FRMD3: variants seen among roughly 807,000 people sequenced by gnomAD.
FRMD3 encodes the protein FERM domain-containing protein 3.
FRMD3 carries 33 observed loss-of-function variants against 70.2 expected under a neutral mutation model. The ratio of observed to expected loss-of-function variants is 0.47; its 90% CI spans 0.36 to 0.63. FRMD3 has a LOEUF of 0.63. FRMD3 is among the 20% of genes least tolerant of loss of function. The pLI, the probability that FRMD3 is intolerant of heterozygous loss-of-function variation, is 0.00. For synonymous variants in FRMD3, 279 were observed against 255.9 expected (o/e 1.09, Z -0.86); for missense variants, 632 against 711.4 (o/e 0.89, Z 1.27).
At chr9:83,343,060 G>T (rs536497024) in intron 5 of FRMD3, 130 bp downstream of exon 5, 2 of 703,176 alleles carry the variant, frequency 2.8e-6, no homozygotes, top group Non-Finnish European at 5.2e-6. Flanking sequence ...CTGTTGCTAC[G>T]TACCCAGCCC....
chr9:83,306,880 A>G (rs1216861075), intron 10 of FRMD3, among the ~76,000 whole-genome samples: 1 of 152,200 alleles, frequency 6.6e-6, no homozygotes, highest in African/African-American at 2.4e-5. Context: ...ATTGATGAAA[A>G]TGTTTGGAAA....
At chr9:83,477,199 A>G (rs754013173) in intron 1 of FRMD3, among the ~76,000 whole-genome samples, 4 of 152,212 alleles carry the variant, frequency 2.6e-5, no homozygotes, top group Non-Finnish European at 5.9e-5. Flanking sequence ...CTGCACATAA[A>G]AGTTTGAAAA....
chr9:83,585,651 A>T, the FRMD3 span, among the ~76,000 whole-genome samples: 1 of 152,220 alleles, frequency 6.6e-6, no homozygotes, highest in South Asian at 2.1e-4. Context: ...AGGCAGAGAG[A>T]CAGGAGCGTG....
chr9:83,313,548 TG>T, intron 7 of FRMD3, 111 bp downstream of exon 7: 1 of 821,328 alleles, frequency 1.2e-6, no homozygotes, highest in Non-Finnish European at 2.0e-6. Flanking sequence ...TGAGGGACCG[TG>T]GGCCAAGCTG....
intron 13 of FRMD3, among the ~76,000 whole-genome samples, chr9:83,268,867 G>A (rs1380382384): frequency 6.6e-6 from 1 of 152,182 alleles, no homozygotes; most frequent in Non-Finnish European, 1.5e-5. Flanking sequence ...CCTGAAGCTT[G>A]AAAGGAAAAT....
chr9:83,273,577 C>A, intron 13 of FRMD3, among the ~76,000 whole-genome samples: 1 of 147,504 alleles, frequency 6.8e-6, no homozygotes, highest in African/African-American at 2.5e-5. Flanking sequence ...CACTATTGTC[C>A]TATGACCCTG....
intron 1 of FRMD3, among the ~76,000 whole-genome samples, chr9:83,503,504 T>TCCCAGCTTTCAGTGAAAAG (rs1829118535): frequency 6.6e-6 from 1 of 152,164 alleles, no homozygotes; most frequent in African/African-American, 2.4e-5. Flanking sequence ...AGATTCTGCC[T>TCCCAGCTTTCAGTGAAAAG]CCCAGCTTTC....
intron 10 of FRMD3, among the ~76,000 whole-genome samples, chr9:83,301,014 A>G (rs1834902244): frequency 6.6e-6 from 1 of 152,216 alleles, no homozygotes. Context: ...GGACACAAAT[A>G]TTAAGCAGGG....
upstream of FRMD3, chr9:83,538,617 G>A (rs1310918301): frequency 4.9e-5 from 8 of 163,314 alleles, no homozygotes; most frequent in Admixed American, 1.3e-4. The surrounding 1 kb of genome is among the most constrained non-coding windows in gnomAD (Gnocchi z 4.7). Context: ...GGCTGGCCCG[G>A]GTGCCCTGGT....
intron 2 of FRMD3, among the ~76,000 whole-genome samples, chr9:83,384,162 T>G (rs1213376625): frequency 1.3e-5 from 2 of 152,342 alleles, no homozygotes; most frequent in East Asian, 1.9e-4. Flanking sequence ...CCAAGAAGTC[T>G]TGATCTTTAA....
intron 1 of FRMD3, among the ~76,000 whole-genome samples, chr9:83,531,880 A>C (rs1829798141): frequency 6.6e-6 from 1 of 152,026 alleles, no homozygotes; most frequent in African/African-American, 2.4e-5. Flanking sequence ...AGGAATTATT[A>C]CTCTCATTTT....
At position 83,313,696 on chromosome 9, in the gene FRMD3, A is replaced by G; in HGVS notation, c.648T>C (p.Thr216=). 1 of 1,614,156 alleles carries G rather than the reference A, an allele frequency of 6.2e-7. No homozygotes were observed. Among genetic ancestry groups the G allele is most frequent in the Non-Finnish European group, 8.5e-7 (1 of 1,179,982 alleles). ...GAGGATCCACCCCGTAGGTTTCCAA[A>G]GTGTGAGCTTTCAGGAGCAAGTTAA... ...AEFNLLLKAH[T]LETYGVDPHP... is the part of the protein sequence containing the mutation. Residue 216 remains threonine (T), a synonymous_variant, in exon 7 of 14, where the codon ACT becomes ACC. Transcript: ENST00000304195.
chr9:83,475,545 G>A (rs1412817873), intron 1 of FRMD3, among the ~76,000 whole-genome samples: 4 of 152,034 alleles, frequency 2.6e-5, no homozygotes, highest in African/African-American at 9.7e-5. Context: ...ACATGAAGCA[G>A]GCTAGACACA....
At chr9:83,510,033 T>C (rs1829302187) in intron 1 of FRMD3, among the ~76,000 whole-genome samples, 1 of 152,084 alleles carries the variant, frequency 6.6e-6, no homozygotes, top group African/African-American at 2.4e-5. Context: ...AGTGTAATAA[T>C]TAAAAAAGGC....
At chr9:83,520,466 T>G (rs566352410) in intron 1 of FRMD3, among the ~76,000 whole-genome samples, 1 of 152,360 alleles carries the variant, frequency 6.6e-6, no homozygotes, top group South Asian at 2.1e-4. Flanking sequence ...CTTCCAGAGT[T>G]AGCTACCATT....
intron 3 of FRMD3, among the ~76,000 whole-genome samples, chr9:83,369,048 T>C (rs905328131): frequency 6.6e-6 from 1 of 151,398 alleles, no homozygotes; most frequent in Admixed American, 6.6e-5. Context: ...AGAGACAGGG[T>C]TTCACCATGT....
the FRMD3 span, among the ~76,000 whole-genome samples, chr9:83,556,471 G>A: frequency 6.6e-6 from 1 of 152,132 alleles, no homozygotes; most frequent in Non-Finnish European, 1.5e-5. Context: ...AATTATATTT[G>A]TCTTTCAGAT....
intron 13 of FRMD3, among the ~76,000 whole-genome samples, chr9:83,249,522 A>G (rs943939115): frequency 2.0e-5 from 3 of 152,208 alleles, no homozygotes; most frequent in Non-Finnish European, 4.4e-5. Flanking sequence ...CTTTTAATGA[A>G]TCTATTATGT....
At chr9:83,433,358 G>T (rs1322585841) in intron 1 of FRMD3, among the ~76,000 whole-genome samples, 1 of 152,138 alleles carries the variant, frequency 6.6e-6, no homozygotes, top group East Asian at 1.9e-4. Context: ...GACACCATAA[G>T]AAAAAGAGAA....
Sources: allele counts gnomAD v4.1 joint callset (sites outside exome capture counted in the v4.1 genomes callset), GRCh38; gene constraint gnomAD v4.1.1; non-coding constraint Gnocchi (gnomAD v3.1); transcripts MANE v1.5; gene names NCBI Gene and HGNC (gene_info 2026-07-23, HGNC 2026-07-21).